The following SEL1L3 variants were observed in gnomAD, a reference collection of about 807,000 sequenced individuals.
The protein encoded by SEL1L3 is protein sel-1 homolog 3.
A neutral mutation model predicts 142.8 loss-of-function variants in SEL1L3; 76 were observed. The observed-to-expected ratio is 0.53, with a 90% CI of 0.44 to 0.64. The LOEUF is 0.64. SEL1L3 is among the 30% of genes least tolerant of loss of function. The pLI, the probability that SEL1L3 is intolerant of heterozygous loss-of-function variation, is 0.00. For synonymous variants in SEL1L3, 504 were observed against 519.6 expected, an observed-to-expected ratio of 0.97 and a Z score of 0.41; for missense variants, 1,262 against 1,381.7, an observed-to-expected ratio of 0.91 and a Z score of 1.37.
chr4:25,763,184 T>TG (rs759992856), intron 20 of SEL1L3, among the ~76,000 whole-genome samples: 16 of 124,436 alleles, frequency 1.3e-4, no homozygotes, highest in Non-Finnish European at 2.7e-4. Flanking sequence ...AAATAAAAAT[T>TG]GAAAAAAAAA....
intron 9 of SEL1L3, 60 bp downstream of exon 9, chr4:25,818,078 C>G (rs1714507299): frequency 6.4e-7 from 1 of 1,552,016 alleles, no homozygotes. Flanking sequence ...GTGAGTGAAA[C>G]AGAGAAAAAC....
At chr4:25,737,891 T>G in the SEL1L3 span, among the ~76,000 whole-genome samples, 1 of 43,870 alleles carries the variant, frequency 2.3e-5, no homozygotes, top group African/African-American at 6.1e-5. Flanking sequence ...TACAGTTGCC[T>G]TTTTTTTTGT....
intron 1 of SEL1L3, among the ~76,000 whole-genome samples, chr4:25,852,060 G>A (rs968040742): frequency 6.6e-6 from 1 of 152,050 alleles, no homozygotes; most frequent in Non-Finnish European, 1.5e-5. Flanking sequence ...CCCAGGAGAG[G>A]TTTAATTGTT....
At chr4:25,732,584 G>A in the SEL1L3 span, among the ~76,000 whole-genome samples, 570 of 152,238 alleles carry the variant, frequency 3.7e-3, 4 homozygotes, top group African/African-American at 0.013. Context: ...GAATGATGAC[G>A]TTCAGCCTAC....
At position 25,847,636 on chromosome 4, in the gene SEL1L3, T is replaced by G; in HGVS notation, c.391A>C (p.Arg131=). Reference sequence around the variant, plus strand: ...TGAAGATGTTTCTCATTCTTCCACCTTTTTTTGTACACGGGAATGCTACTT... The same window carrying G: ...TGAAGATGTTTCTCATTCTTCCACCGTTTTTTGTACACGGGAATGCTACTT... The part of the protein sequence containing the change: ...FRSSIPVYKK[R]WKNEKHLHTS... Residue 131 remains arginine (R), a synonymous_variant, in exon 2 of 24, where the codon AGG becomes CGG. Transcript: ENST00000399878. The G allele has an allele frequency of 6.2e-7, 1 of 1,613,242 alleles. No individual in the cohort carries two copies. The highest frequency in any genetic ancestry group is 8.5e-7 in the Non-Finnish European group (1 of 1,179,210).
intron 9 of SEL1L3, among the ~76,000 whole-genome samples, chr4:25,809,229 C>T (rs1423350932): frequency 1.3e-5 from 2 of 151,628 alleles, no homozygotes; most frequent in Non-Finnish European, 2.9e-5. Flanking sequence ...TTGCAACCTC[C>T]ACCTCCCAGG....
At chr4:25,842,134 CTCAG>C (rs1321125634) in intron 2 of SEL1L3, among the ~76,000 whole-genome samples, 1 of 151,958 alleles carries the variant, frequency 6.6e-6, no homozygotes, top group Non-Finnish European at 1.5e-5. Flanking sequence ...ATAGTAGGTG[CTCAG>C]TCAATCTTTG....
chr4:25,748,356 G>A lies in SEL1L3; in HGVS notation c.*69C>T. 1 of 1,473,442 alleles carries A rather than the reference G, an allele frequency of 6.8e-7. No homozygotes were observed. The highest frequency in any genetic ancestry group is 9.2e-7 in the Non-Finnish European group (1 of 1,084,232). 91.3% of individuals were successfully genotyped at this position (1,473,442 alleles called of 1,614,324 possible). The stretch of plus-strand genomic sequence containing the variant: ...AAGGTGTTTATCAGGATCATGCCCT[G>A]GCCCCAGCTTCCCAATACCAGCTGT... On this transcript the variant is annotated 3_prime_UTR_variant, in exon 24 of 24. Transcript: ENST00000399878.
rs771336697 is a variant in SEL1L3 at position 25,757,710 on chromosome 4, C to A, written c.3164G>T (p.Gly1055Val). The change falls in exon 22 of 24, where the codon GGT (glycine) becomes GTT (valine). Residue 1055 changes from glycine to valine, a missense_variant. Gly to Val is a moderately radical substitution (Grantham distance 109, BLOSUM62 -3). Around this residue, in one of 3 missense-constraint regions of SEL1L3, gnomAD observed 138 missense variants for 129.7 expected, o/e 1.06. Coordinates refer to ENST00000399878, the MANE Select transcript of SEL1L3 (RefSeq NM_015187.5). ...TACCAGGGCTGAGTGCAGGATAGCACCCCAGAGAAGCCGCAAGTGCAGGTA... is the reference window on the plus strand; with the variant it reads ...TACCAGGGCTGAGTGCAGGATAGCAACCCAGAGAAGCCGCAAGTGCAGGTA... ...WLYLHLRLLW[G>V]AILHSALIYF... 1.2e-5 allele frequency: 19 copies of A among 1,595,644 alleles called. No homozygotes were observed. In the East Asian group the frequency reaches 3.9e-4, roughly 32 times the overall value.
chr4:25,754,129 C>G (rs965575050), intron 23 of SEL1L3, among the ~76,000 whole-genome samples: 2 of 151,458 alleles, frequency 1.3e-5, no homozygotes, highest in Non-Finnish European at 2.9e-5. Context: ...ACAGAGAAAC[C>G]CTGTCTCTAC....
chr4:25,792,034 G>A (rs1007582985), intron 11 of SEL1L3, among the ~76,000 whole-genome samples: 109 of 151,684 alleles, frequency 7.2e-4, no homozygotes, highest in African/African-American at 2.6e-3. Flanking sequence ...AGGGGGACTC[G>A]GGGGCTGAGA....
At chr4:25,717,659 C>G in the SEL1L3 span, among the ~76,000 whole-genome samples, 24,288 of 152,096 alleles carry the variant, frequency 0.16, 2,163 homozygotes, top group African/African-American at 0.24. Flanking sequence ...GAGCGAGACT[C>G]TGTCTCAAAA....
chr4:25,841,053 G>C (rs1330607516), intron 2 of SEL1L3, among the ~76,000 whole-genome samples: 1 of 148,006 alleles, frequency 6.8e-6, no homozygotes. Flanking sequence ...CTTTTTTTGA[G>C]ACAGAGTCTT....
At chr4:25,715,957 A>G in the SEL1L3 span, among the ~76,000 whole-genome samples, 4 of 152,158 alleles carry the variant, frequency 2.6e-5, no homozygotes, top group South Asian at 2.1e-4. Flanking sequence ...ACCTTTTACT[A>G]TATGCTCTTT....
chr4:25,767,751 C>T lies in SEL1L3; in HGVS notation c.2749G>A (p.Glu917Lys). ...VSQTNLAHIC[E>K]ERPDLARRYL... ...ATACATTTACTTACTGGCCTCTCCT[C>T]ACAGATGTGTGCTAAATTTGTCTGT... The change falls in exon 18 of 24, where the codon GAG becomes AAG. Residue 917 changes from glutamate to lysine, a missense_variant. Around this residue, in one of 3 missense-constraint regions of SEL1L3, gnomAD observed 435 missense variants for 559.2 expected, o/e 0.78. Coordinates refer to ENST00000399878, the MANE Select transcript of SEL1L3 (RefSeq NM_015187.5). 6.3e-7 allele frequency: 1 copy of T among 1,576,366 alleles called. No homozygotes were observed. Among genetic ancestry groups the T allele is most frequent in the African/African-American group, 1.3e-5 (1 of 74,310 alleles).
At chr4:25,760,220 C>T (rs1718282211) in intron 20 of SEL1L3, among the ~76,000 whole-genome samples, 1 of 152,150 alleles carries the variant, frequency 6.6e-6, no homozygotes, top group Non-Finnish European at 1.5e-5. Flanking sequence ...TGGCTTCCAG[C>T]TCCATCCATG....
intron 9 of SEL1L3, 29 bp downstream of exon 9, chr4:25,818,109 G>A (rs753738811): frequency 6.2e-6 from 10 of 1,605,458 alleles, no homozygotes; most frequent in South Asian, 2.2e-5. Flanking sequence ...TCTAACCAGC[G>A]CCTAAAGCCG....
chr4:25,792,218 A>G (rs1372603742), intron 11 of SEL1L3, among the ~76,000 whole-genome samples: 2 of 151,422 alleles, frequency 1.3e-5, no homozygotes, highest in Non-Finnish European at 2.9e-5. Context: ...CTTTTTTTCC[A>G]CTTAATCCTC....
intron 9 of SEL1L3, among the ~76,000 whole-genome samples, chr4:25,805,662 G>T (rs1713508044): frequency 6.6e-6 from 1 of 151,946 alleles, no homozygotes. Context: ...AAGTTTTATG[G>T]CCCTAGATGT....
Sources: gnomAD v4.1 joint callset for allele counts (sites outside exome capture counted in the v4.1 genomes callset) on GRCh38, gnomAD v4.1.1 for gene constraint, gnomAD v4.1.1 regional missense constraint, MANE v1.5 for transcripts, NCBI Gene and HGNC (gene_info 2026-07-23, HGNC 2026-07-21) for gene names.